MGA: variants seen among roughly 807,000 people sequenced by gnomAD.
MGA encodes the protein MAX dimerization protein MGA, also known as MAX gene-associated protein.
MGA carries 40 observed loss-of-function variants against 261.1 expected under a neutral mutation model. The ratio of observed to expected loss-of-function variants is 0.15; its 90% confidence interval spans 0.12 to 0.20. MGA has a LOEUF of 0.20. Among genes scored for constraint, MGA ranks in the 10% least tolerant of loss-of-function variants. MGA has a pLI of 1.00. For missense variants in MGA, 3,397 were observed against 3,630.5 expected (o/e 0.94, Z 1.65); for synonymous variants, 1,302 against 1,290.6 (o/e 1.01, Z -0.19).
chr15:41,692,772 T>C lies in MGA; in HGVS notation c.1065-3303T>C, dbSNP rs552523263. Among the ~76,000 whole-genome samples, 119 of 152,266 alleles carry C rather than the reference T, an allele frequency of 7.8e-4. No homozygotes were observed. In the South Asian group the frequency reaches 0.011, roughly 15 times the overall value. ...TGTCACCCAGGCTGGAGTGCAGTGG[T>C]GCGATCTTGGCTCACTGCAACCTCT... On this transcript the variant is annotated intron_variant, in intron 2 of 23. Coordinates refer to ENST00000219905, the MANE Select transcript of MGA (RefSeq NM_001164273.2).
intron 1 of MGA, among the ~76,000 whole-genome samples, chr15:41,666,981 T>TA (rs1198000636): frequency 2.6e-5 from 4 of 152,238 alleles, no homozygotes; most frequent in African/African-American, 9.6e-5. Flanking sequence ...TGCCCTCTCT[T>TA]AGAGATTCTA....
chr15:41,714,356 G>T (rs1035177945), intron 9 of MGA, among the ~76,000 whole-genome samples: 4 of 152,058 alleles, frequency 2.6e-5, no homozygotes, highest in Non-Finnish European at 5.9e-5. Flanking sequence ...AGCCTTTTTG[G>T]GTTTTCTTTA....
intron 2 of MGA, among the ~76,000 whole-genome samples, chr15:41,683,909 T>C (rs1396623797): frequency 6.6e-6 from 1 of 151,966 alleles, no homozygotes; most frequent in Non-Finnish European, 1.5e-5. Flanking sequence ...TTTTTCCCTT[T>C]CCTTTTTTTA....
chr15:41,679,377 TG>T (rs1434503427), intron 2 of MGA, among the ~76,000 whole-genome samples: 2 of 152,300 alleles, frequency 1.3e-5, no homozygotes, highest in Non-Finnish European at 2.9e-5. Flanking sequence ...AAAATCCCGT[TG>T]GGATTTTGAT....
chr15:41,763,665 C>T (rs1159562249), intron 22 of MGA, among the ~76,000 whole-genome samples: 2 of 151,864 alleles, frequency 1.3e-5, no homozygotes, highest in Non-Finnish European at 2.9e-5. Flanking sequence ...ATCACTTTAA[C>T]CCGGAAGGTG....
chr15:41,739,432 G>T (rs1185817868), intron 13 of MGA, among the ~76,000 whole-genome samples: 2 of 152,192 alleles, frequency 1.3e-5, no homozygotes, highest in African/African-American at 4.8e-5. Flanking sequence ...ACTTAAAGTA[G>T]ATTTCACTTA....
chr15:41,641,322 T>A (rs965207714), intron 1 of MGA, among the ~76,000 whole-genome samples: 1 of 152,170 alleles, frequency 6.6e-6, no homozygotes, highest in Non-Finnish European at 1.5e-5. Flanking sequence ...TATAAACTTA[T>A]GTTTTTATTT....
At chr15:41,763,472 G>A (rs550890445) in intron 22 of MGA, among the ~76,000 whole-genome samples, 124 of 151,882 alleles carry the variant, frequency 8.2e-4, no homozygotes, top group Middle Eastern at 3.4e-3. Flanking sequence ...GGCCGGATGC[G>A]GTGGCTCACG....
At chr15:41,739,134 A>G (rs1228614364) in intron 13 of MGA, among the ~76,000 whole-genome samples, 1 of 152,156 alleles carries the variant, frequency 6.6e-6, no homozygotes, top group Non-Finnish European at 1.5e-5. Context: ...TCTTTAAAAA[A>G]AAAAGAAAAG....
At position 41,766,315 on chromosome 15, in the gene MGA, A is replaced by G. The variant is rs779906708; in HGVS notation, c.8233A>G (p.Lys2745Glu). The change falls in exon 24 of 24, where the codon AAA becomes GAA. Residue 2745 changes from lysine (K) to glutamate (E), a missense_variant. Transcript: ENST00000219905. ...GCAGAAAGCACAAGAGTTCTTACCT[A>G]AAAAGATTTCTGGTGATATGAGAGG... 7 of 1,613,930 alleles carry G rather than the reference A, an allele frequency of 4.3e-6. No homozygotes were observed. The highest frequency in any genetic ancestry group is 2.2e-5 in the East Asian group (1 of 44,890).
intron 2 of MGA, among the ~76,000 whole-genome samples, chr15:41,695,026 T>TG (rs1259826404): frequency 6.6e-6 from 1 of 152,120 alleles, no homozygotes; most frequent in Non-Finnish European, 1.5e-5. Context: ...TGAATATATA[T>TG]AGTGGTGTGT....
upstream of MGA, among the ~76,000 whole-genome samples, chr15:41,657,053 T>A (rs2057218943): frequency 6.6e-6 from 1 of 152,232 alleles, no homozygotes; most frequent in African/African-American, 2.4e-5. Context: ...GTGCTGGGAT[T>A]ACAGGCGTGA....
chr15:41,637,573 A>G (rs545339801), intron 1 of MGA, among the ~76,000 whole-genome samples: 16 of 152,266 alleles, frequency 1.1e-4, no homozygotes, highest in Admixed American at 1.3e-4. Context: ...ATTGTGTCCA[A>G]CGACTCCTGT....
In MGA at chr15:41,766,996, G is replaced by A. The variant is rs2063831776; in HGVS notation, c.8914G>A (p.Gly2972Ser). The A allele has an allele frequency of 1.2e-6, 2 of 1,613,974 alleles. No homozygotes were observed. Among genetic ancestry groups the A allele is most frequent in the African/African-American group, 1.3e-5 (1 of 75,040 alleles). Residue 2972 changes from glycine to serine, a missense_variant, in exon 24 of 24, where the codon GGC becomes AGC. This residue lies in a region of MGA where 647 missense variants were observed against 642.4 expected (regional missense o/e 1.01). Coordinates refer to ENST00000219905, the MANE Select transcript of MGA (RefSeq NM_001164273.2). ...ACCCCCCACCCTACACATGAAGACT[G>A]GCTTGGAGAACAGCAACAGCACAGA... is the stretch of plus-strand genomic sequence containing the variant.
At position 41,725,834 on chromosome 15, in the gene MGA, CAAA is replaced by C. The variant is rs1204528358; in HGVS notation, c.3431-1326_3431-1324del. On this transcript the variant is annotated intron_variant, in intron 9 of 23. Coordinates refer to ENST00000219905, the MANE Select transcript of MGA (RefSeq NM_001164273.2). ...TGGGCGACAGAGCGAGACTCCGTCT[CAAA>C]AAAAAAAAAAAAAAAAAAATAAATA... Among the ~76,000 whole-genome samples the C allele has an allele frequency of 4.4e-4, 4 of 9,034 alleles. 1 individual carries two copies. In the South Asian group the frequency reaches 0.02, roughly 45 times the overall value. 5.9% of individuals were successfully genotyped at this position (9,034 alleles called of 152,430 possible). A position where few individuals can be genotyped will look rare whatever the true frequency, so the allele number is the denominator to read the frequency against.
At position 41,622,393 on chromosome 15, in the gene MGA, C is replaced by CG. The variant is rs1406634793; in HGVS notation, c.-68+1095_-68+1096insG. 2.3e-3 allele frequency among the ~76,000 whole-genome samples: 349 copies of CG among 151,794 alleles called. 3 individuals are homozygous for CG. Among genetic ancestry groups the CG allele is most frequent in the African/African-American group, 7.8e-3 (322 of 41,330 alleles). ...TTAAAAATTATAATGAGACAACCGC[C>CG]ACCCCGCCAAAAAAAACCCCACAGC... On this transcript the variant is annotated intron_variant, in intron 1 of 8. Coordinates refer to the MGA transcript ENST00000566718.
Position 41,673,789 on chromosome 15 carries a change from T to C in MGA, c.1064+3831T>C, listed in dbSNP as rs557738895. Among the ~76,000 whole-genome samples, 13 of 152,146 alleles carry C rather than the reference T, an allele frequency of 8.5e-5. No individual in the cohort carries two copies. The East Asian group carries it at 2.5e-3, about 29-fold the overall frequency. On this transcript the variant is annotated intron_variant, in intron 2 of 23. Transcript: ENST00000219905. ...AACTCATGACCTCAGGTGATCCACCTGCCTCAACCTCCCAAAGTGCTGGAA... is the reference window on the plus strand; with the variant it reads ...AACTCATGACCTCAGGTGATCCACCCGCCTCAACCTCCCAAAGTGCTGGAA...
chr15:41,622,308 T>G (rs568907616), intron 1 of MGA, among the ~76,000 whole-genome samples: 1 of 152,238 alleles, frequency 6.6e-6, no homozygotes, highest in East Asian at 1.9e-4. Context: ...TTAAGGTCCC[T>G]CATACGGCCT....
rs1472502580 is a variant in MGA at position 41,713,439 on chromosome 15, A to G, written c.3373A>G (p.Ile1125Val). ...GGAGGCAAGGGAGGAGGAAGAAGGA[A>G]TCAGGGAGGAGGAGGAACAATTGAA... is the stretch of plus-strand genomic sequence containing the variant. Residue 1125 changes from isoleucine to valine, a missense_variant, in exon 9 of 24, where the codon ATC (isoleucine) becomes GTC (valine). Transcript: ENST00000219905. 6.4e-7 allele frequency: 1 copy of G among 1,566,736 alleles called. No homozygotes were observed. Among genetic ancestry groups the G allele is most frequent in the Non-Finnish European group, 8.7e-7 (1 of 1,154,500 alleles).
Sources: allele counts gnomAD v4.1 joint callset (sites outside exome capture counted in the v4.1 genomes callset), GRCh38; gene constraint gnomAD v4.1.1; regional missense constraint gnomAD v4.1.1; transcripts MANE v1.5; gene names NCBI Gene and HGNC (gene_info 2026-07-23, HGNC 2026-07-21).